Variants in KCTD16 observed in about 807,000 individuals in gnomAD.
KCTD16 encodes the protein potassium channel tetramerization domain containing 16, also known as BTB/POZ domain-containing protein KCTD16.
A neutral mutation model predicts 33.2 loss-of-function variants in KCTD16; 13 were observed. The ratio of observed to expected loss-of-function variants is 0.39; its 90% CI spans 0.25 to 0.62. The LOEUF (loss-of-function observed/expected upper bound fraction) is 0.62, where lower values mean the gene tolerates loss of function less well. Ranked by LOEUF, KCTD16 falls within the 20% of genes least tolerant of loss-of-function variation. KCTD16 has a pLI of 0.50. For synonymous variants in KCTD16, 197 were observed against 195.3 expected, an observed-to-expected ratio of 1.01 and a Z score of -0.07; for missense variants, 441 against 525.1, an observed-to-expected ratio of 0.84 and a Z score of 1.57.
At chr5:144,251,509 T>C (rs1034883582) in intron 3 of KCTD16, among the ~76,000 whole-genome samples, 1 of 152,208 alleles carries the variant, frequency 6.6e-6, no homozygotes, top group African/African-American at 2.4e-5. Flanking sequence ...GATTTAAAAG[T>C]AGCAGAAACA....
chr5:144,300,205 G>A (rs1000954840), intron 3 of KCTD16, among the ~76,000 whole-genome samples: 8 of 152,104 alleles, frequency 5.3e-5, no homozygotes, highest in Admixed American at 1.3e-4. Flanking sequence ...AGATATAGAC[G>A]TATTCAGTGA....
chr5:144,282,356 C>G (rs759853515), intron 3 of KCTD16, among the ~76,000 whole-genome samples: 1 of 149,992 alleles, frequency 6.7e-6, no homozygotes, highest in Non-Finnish European at 1.5e-5. Context: ...ACATGCCATG[C>G]CTTATCCATT....
intron 3 of KCTD16, among the ~76,000 whole-genome samples, chr5:144,300,691 G>A (rs892106454): frequency 1.1e-4 from 17 of 152,056 alleles, no homozygotes; most frequent in Admixed American, 7.9e-4. Flanking sequence ...TGAAGAGTAC[G>A]GCCATATAAA....
intron 3 of KCTD16, among the ~76,000 whole-genome samples, chr5:144,320,955 A>G (rs963558429): frequency 6.6e-6 from 1 of 152,118 alleles, no homozygotes; most frequent in Non-Finnish European, 1.5e-5. Context: ...TTCTGGGTTC[A>G]AGTGATTCTC....
intron 3 of KCTD16, among the ~76,000 whole-genome samples, chr5:144,419,988 T>C (rs552733248): frequency 3.9e-4 from 59 of 152,280 alleles, no homozygotes; most frequent in Non-Finnish European, 5.9e-4. Context: ...AAATAACTTT[T>C]TGTACAATTC....
intron 3 of KCTD16, among the ~76,000 whole-genome samples, chr5:144,414,951 G>A (rs1421876242): frequency 6.6e-6 from 1 of 152,116 alleles, no homozygotes; most frequent in Non-Finnish European, 1.5e-5. Context: ...AATTTTGATT[G>A]GTCTGAAGCT....
chr5:144,405,605 G>A lies in KCTD16; in HGVS notation c.833-68055G>A, dbSNP rs558650308. ...CACATGAGAAGCCTTATCCTGCTAA[G>A]GTGAGGACTTAGATTCTCTGCTTTG... is the stretch of plus-strand genomic sequence containing the variant. On this transcript the variant is annotated intron_variant, in intron 3 of 3. Transcript: ENST00000512467. Among the ~76,000 whole-genome samples the A allele has an allele frequency of 3.3e-5, 5 of 152,266 alleles. No homozygotes were observed. The East Asian group carries it at 9.7e-4, about 29-fold the overall frequency.
rs527347569 is a variant in KCTD16, at chr5:144,476,387, T to C, written c.*2273T>C. 4 of 152,170 alleles carry C rather than the reference T, an allele frequency of 2.6e-5. No individual in the cohort carries two copies. The highest frequency in any genetic ancestry group is 6.6e-5 in the Admixed American group (1 of 15,262). The allele number at this position is 152,170 out of a possible 1,614,324, so 9.4% of individuals were successfully genotyped here. A position where few individuals can be genotyped will look rare whatever the true frequency, so the allele number is the denominator to read the frequency against. The stretch of plus-strand genomic sequence containing the variant: ...AGAATTAAGATGATAGTCAACCCAA[T>C]ATTTCTACTACATTCTTTAAACAGG... On this transcript the variant is annotated 3_prime_UTR_variant, in exon 4 of 4. Transcript: ENST00000512467.
chr5:144,456,032 A>G (rs1754053016), intron 3 of KCTD16, among the ~76,000 whole-genome samples: 1 of 152,170 alleles, frequency 6.6e-6, no homozygotes, highest in South Asian at 2.1e-4. Flanking sequence ...ATTGTACCAC[A>G]CTTGCATGAT....
intron 2 of KCTD16, among the ~76,000 whole-genome samples, chr5:144,193,823 A>C (rs1752890088): frequency 6.6e-6 from 1 of 152,204 alleles, no homozygotes; most frequent in Admixed American, 6.5e-5. Context: ...AAAGAAGTAT[A>C]GTAGAGAAAG....
At chr5:144,301,373 G>C (rs1751434195) in intron 3 of KCTD16, among the ~76,000 whole-genome samples, 1 of 152,058 alleles carries the variant, frequency 6.6e-6, no homozygotes, top group South Asian at 2.1e-4. Flanking sequence ...ATTGAATTGA[G>C]TAAGACCAGA....
At chr5:144,205,830 A>G in intron 2 of KCTD16, 2 of 358,958 alleles carry the variant, frequency 5.6e-6, no homozygotes, top group East Asian at 8.1e-5. Flanking sequence ...CTACATACAT[A>G]CATAAATACA....
chr5:144,189,266 G>A (rs1265552664), intron 2 of KCTD16, among the ~76,000 whole-genome samples: 1 of 152,136 alleles, frequency 6.6e-6, no homozygotes, highest in Non-Finnish European at 1.5e-5. Flanking sequence ...GCCGAGGCGG[G>A]CGGATCACGA....
intron 3 of KCTD16, among the ~76,000 whole-genome samples, chr5:144,436,517 C>T (rs1401769746): frequency 6.6e-6 from 1 of 152,062 alleles, no homozygotes; most frequent in Non-Finnish European, 1.5e-5. Flanking sequence ...TTGGAGACTA[C>T]CTACTAGGCC....
rs757377226 is a variant in KCTD16 at position 144,473,661 on chromosome 5, T to A, written c.834T>A (p.Arg278=). Residue 278 remains arginine, a splice_region_variant and synonymous_variant, in exon 4 of 4, where the codon CGT becomes CGA. Transcript: ENST00000512467. ...WSSYTEYVFY[R]EPSRWSPSHC... Reference sequence around the variant, plus strand: ...TTGGGTCCTTTGCTTTCTTTTCAGGTGAGCCTTCCAGATGGTCACCCTCAC... The same window carrying A: ...TTGGGTCCTTTGCTTTCTTTTCAGGAGAGCCTTCCAGATGGTCACCCTCAC... The A allele has an allele frequency of 6.3e-6, 10 of 1,589,884 alleles. No homozygotes were observed. Among genetic ancestry groups the A allele is most frequent in the Non-Finnish European group, 8.6e-6 (10 of 1,163,146 alleles).
intron 3 of KCTD16, among the ~76,000 whole-genome samples, chr5:144,414,396 T>G (rs1050665299): frequency 6.6e-6 from 1 of 152,190 alleles, no homozygotes; most frequent in Admixed American, 6.5e-5. Flanking sequence ...TGTGTGTTCC[T>G]GCAAAGTGTT....
rs182835567 is a variant in KCTD16 at position 144,240,945 on chromosome 5, A to G, written c.832+33399A>G. On this transcript the variant is annotated intron_variant, in intron 3 of 3. Coordinates refer to ENST00000512467, the MANE Select transcript of KCTD16 (RefSeq NM_020768.4). ...TTAGATTGTTTAGGCTGGTGAGGAG[A>G]TACAAGAAGTATATCTCTGAAGTGA... Among the ~76,000 whole-genome samples, 9 of 152,212 alleles carry G rather than the reference A, an allele frequency of 5.9e-5. No homozygotes were observed. In the East Asian group the frequency reaches 1.5e-3, roughly 26 times the overall value.
At chr5:144,236,439 G>A (rs963043774) in intron 3 of KCTD16, among the ~76,000 whole-genome samples, 6 of 152,026 alleles carry the variant, frequency 3.9e-5, no homozygotes, top group Non-Finnish European at 8.8e-5. Flanking sequence ...TTATGGAACT[G>A]GTGGGTAATC....
intron 3 of KCTD16, among the ~76,000 whole-genome samples, chr5:144,417,570 TTTTTTGACAATTTCTTAGAA>T (rs1376563546): frequency 6.6e-6 from 1 of 152,202 alleles, no homozygotes; most frequent in Non-Finnish European, 1.5e-5. Flanking sequence ...TGTCATTTCA[TTTTTTGACAATTTCTTAGAA>T]CAAAATATTT....
Sources: gnomAD v4.1 joint callset for allele counts (sites outside exome capture counted in the v4.1 genomes callset) on GRCh38, gnomAD v4.1.1 for gene constraint, MANE v1.5 for transcripts, NCBI Gene and HGNC (gene_info 2026-07-23, HGNC 2026-07-21) for gene names.